NIPAL3: variants seen among roughly 807,000 people sequenced by gnomAD.
The protein encoded by NIPAL3 is NIPA like domain containing 3, also known as NIPA-like protein 3.
Under a neutral mutation model 47.2 loss-of-function variants are expected in NIPAL3, and 41 were observed. That is an observed-to-expected ratio of 0.87 (90% confidence interval 0.68 to 1.13). NIPAL3 has a LOEUF of 1.13. Among genes scored for constraint, NIPAL3 ranks in the 50% most tolerant of loss-of-function variants. The pLI is 0.00. For missense variants in NIPAL3, 449 were observed against 530.1 expected, an observed-to-expected ratio of 0.85 and a Z score of 1.50; for synonymous variants, 194 against 209.6, an observed-to-expected ratio of 0.93 and a Z score of 0.64.
upstream of NIPAL3, chr1:24,413,716 C>T (rs1035981187): frequency 1.7e-4 from 26 of 152,302 alleles, no homozygotes; most frequent in African/African-American, 5.3e-4. Flanking sequence ...CCCAACCTCC[C>T]GGTCGCTATG....
chr1:24,442,034 C>A, intron 3 of NIPAL3, 21 bp from the exon 4 acceptor site: 1 of 1,609,308 alleles, frequency 6.2e-7, no homozygotes, highest in Non-Finnish European at 8.5e-7. Flanking sequence ...GAGCAAATTG[C>A]ATTATTTCTC....
At chr1:24,423,447 T>C (rs1258488963) in intron 2 of NIPAL3, among the ~76,000 whole-genome samples, 1 of 152,134 alleles carries the variant, frequency 6.6e-6, no homozygotes, top group East Asian at 1.9e-4. Context: ...GAGACCACGG[T>C]GAAACCCCAT....
chr1:24,467,307 CA>C (rs11367687), intron 11 of NIPAL3, among the ~76,000 whole-genome samples: 84,577 of 147,016 alleles, frequency 0.58, 24,097 homozygotes, highest in East Asian at 0.72. Context: ...ACTAAAAATA[CA>C]AAAAAAAAAA....
In NIPAL3 at chr1:24,453,461, C is replaced by T. The variant is rs1029863724; in HGVS notation, c.594C>T (p.Asn198=). Residue 198 remains asparagine (N), a synonymous_variant, in exon 7 of 12, where the codon AAC becomes AAT. Coordinates refer to ENST00000374399, the MANE Select transcript of NIPAL3 (RefSeq NM_020448.5). The part of the protein sequence containing the change: ...CLLLYFYKEK[N]ANNIVVILLL... ...TGCTCTACTTCTACAAGGAGAAGAA[C>T]GCCAACAACATTGTCGTGATTCTTC... 3.0e-5 allele frequency: 48 copies of T among 1,613,500 alleles called. No homozygotes were observed. The highest frequency in any genetic ancestry group is 3.6e-5 in the Non-Finnish European group (43 of 1,179,828).
rs2148803718 is a variant in NIPAL3, at chr1:24,440,178, C to T, written c.100C>T (p.Leu34=). 1 of 1,586,100 alleles carries T rather than the reference C, an allele frequency of 6.3e-7. No individual in the cohort carries two copies. Among genetic ancestry groups the T allele is most frequent in the Non-Finnish European group, 8.6e-7 (1 of 1,166,968 alleles). Residue 34 remains leucine, a synonymous_variant, in exon 3 of 12, where the codon CTG becomes TTG. Coordinates refer to ENST00000374399, the MANE Select transcript of NIPAL3 (RefSeq NM_020448.5). ...SEASFSYKEN[L]IGALLAIFGH... ...CTGTGAACTTTCCTTACAGGAAAAC[C>T]TGATTGGCGCCCTCTTGGCGATCTT...
Position 24,416,496 on chromosome 1 carries a change from T to C in NIPAL3, c.-258+592T>C, listed in dbSNP as rs11583039. On this transcript the variant is annotated intron_variant, in intron 1 of 11. Coordinates refer to ENST00000374399, the MANE Select transcript of NIPAL3 (RefSeq NM_020448.5). This position sits in a 1 kb window ranked among gnomAD's most constrained non-coding sequence, Gnocchi z 4.8. ...ACAGACGCTATGAGCCACGGCTGTC[T>C]CATTTGTAAAACGTGCTCTGTGGGA... 53,700 of 217,134 alleles carry C rather than the reference T, an allele frequency of 0.25. 7,132 individuals are homozygous for C. The highest frequency in any genetic ancestry group is 0.45 in the East Asian group (2,440 of 5,434). 13.5% of individuals were successfully genotyped at this position (217,134 alleles called of 1,614,324 possible).
In NIPAL3 at chr1:24,469,231, G is replaced by A; in HGVS notation, c.*46G>A. The A allele has an allele frequency of 6.6e-7, 1 of 1,518,232 alleles. No individual in the cohort carries two copies. The highest frequency in any genetic ancestry group is 9.0e-7 in the Non-Finnish European group (1 of 1,110,652). 94.0% of individuals were successfully genotyped at this position (1,518,232 alleles called of 1,614,324 possible). A position where few individuals can be genotyped will look rare whatever the true frequency, so the allele number is the denominator to read the frequency against. On this transcript the variant is annotated 3_prime_UTR_variant, in exon 12 of 12. Transcript: ENST00000374399. The stretch of plus-strand genomic sequence containing the variant: ...TAACTGTCCCCTCCAGGCTGACAGT[G>A]GTTCAACCCTGAATCCTAAAACTTG...
At chr1:24,426,435 C>T (rs1445958323) in intron 2 of NIPAL3, among the ~76,000 whole-genome samples, 1 of 152,096 alleles carries the variant, frequency 6.6e-6, no homozygotes, top group East Asian at 1.9e-4. Flanking sequence ...GCTGGGATTA[C>T]AGGCGTGTGC....
At chr1:24,426,131 A>G (rs1282389975) in intron 2 of NIPAL3, among the ~76,000 whole-genome samples, 1 of 152,144 alleles carries the variant, frequency 6.6e-6, no homozygotes, top group East Asian at 1.9e-4. Flanking sequence ...CCACACAGTC[A>G]ATGGGTAGCG....
chr1:24,435,826 T>A (rs1272502428), intron 2 of NIPAL3, among the ~76,000 whole-genome samples: 1 of 152,204 alleles, frequency 6.6e-6, no homozygotes, highest in Non-Finnish European at 1.5e-5. Flanking sequence ...GCTGACTTAG[T>A]TCATTTGGGC....
At chr1:24,436,579 C>T (rs1315389788) in intron 2 of NIPAL3, among the ~76,000 whole-genome samples, 1 of 151,926 alleles carries the variant, frequency 6.6e-6, no homozygotes, top group Non-Finnish European at 1.5e-5. Flanking sequence ...ACCTCTGCCT[C>T]CTGGGTTCAA....
chr1:24,453,784 G>C (rs1231743170), intron 7 of NIPAL3, among the ~76,000 whole-genome samples: 1 of 152,150 alleles, frequency 6.6e-6, no homozygotes, highest in African/African-American at 2.4e-5. Context: ...TTCCAATGAG[G>C]AAGAATAAAG....
chr1:24,457,478 A>G (rs1037010869), intron 8 of NIPAL3, among the ~76,000 whole-genome samples: 1 of 152,190 alleles, frequency 6.6e-6, no homozygotes. Context: ...CACCAGCTAC[A>G]TGGCCTCCAG....
rs1251067238 is a variant in NIPAL3 at position 24,468,953 on chromosome 1, GT to G, written c.1022-32del. ...GCGGCCTCCTTGGCCCCCTTACCGC[GT>G]AATGATTTGGAGAAAATGGATTTCA... is the stretch of plus-strand genomic sequence containing the variant. On this transcript the variant is annotated intron_variant, in intron 11 of 11. Transcript: ENST00000374399. 13 of 1,608,116 alleles carry G rather than the reference GT, an allele frequency of 8.1e-6. No individual in the cohort carries two copies. In the Admixed American group the frequency reaches 1.0e-4, roughly 12 times the overall value.
At position 24,449,375 on chromosome 1, in the gene NIPAL3, G is replaced by C. The variant is rs1645822267; in HGVS notation, c.395-106G>C. 4.2e-6 allele frequency: 5 copies of C among 1,186,692 alleles called. No individual in the cohort carries two copies. The highest frequency in any genetic ancestry group is 5.8e-6 in the Non-Finnish European group (5 of 859,372). 73.5% of individuals were successfully genotyped at this position (1,186,692 alleles called of 1,614,324 possible). ...AAACCAAAAATACAAACAATACCAG[G>C]TCATGGTATGTTGCAGGAGAAGCCT... is the stretch of plus-strand genomic sequence containing the variant. On this transcript the variant is annotated intron_variant, in intron 5 of 11. Transcript: ENST00000374399. This position sits in a 1 kb window ranked among gnomAD's most constrained non-coding sequence, Gnocchi z 4.5.
chr1:24,432,222 C>T (rs1019235029), intron 2 of NIPAL3, among the ~76,000 whole-genome samples: 8 of 152,106 alleles, frequency 5.3e-5, no homozygotes, highest in Non-Finnish European at 1.0e-4. Context: ...CTCCGCCTTC[C>T]GGGTTAGTGA....
chr1:24,425,757 C>T (rs1167340188), intron 2 of NIPAL3, among the ~76,000 whole-genome samples: 2 of 152,070 alleles, frequency 1.3e-5, no homozygotes, highest in Non-Finnish European at 2.9e-5. Flanking sequence ...AAGTCTTATA[C>T]CCATCCTATA....
chr1:24,434,951 C>T (rs1286348533), intron 2 of NIPAL3, among the ~76,000 whole-genome samples: 1 of 152,124 alleles, frequency 6.6e-6, no homozygotes, highest in Non-Finnish European at 1.5e-5. Context: ...ATAGCCAAAA[C>T]AATCTTGGAG....
In NIPAL3 at chr1:24,449,564, G is replaced by A. The variant is rs767823143; in HGVS notation, c.478G>A (p.Glu160Lys). The A allele has an allele frequency of 9.3e-6, 15 of 1,613,994 alleles. No individual in the cohort carries two copies. Among genetic ancestry groups the A allele is most frequent in the African/African-American group, 6.7e-5 (5 of 74,900 alleles). ...GGTGACATTCGCACCCAACAGTCACGAGAAGATGACAGGCGAGAATGTCAC... is the reference window on the plus strand; with the variant it reads ...GGTGACATTCGCACCCAACAGTCACAAGAAGATGACAGGCGAGAATGTCAC... ...LLVTFAPNSH[E>K]KMTGENVTRH... The change falls in exon 6 of 12, where the codon GAG (glutamate) becomes AAG (lysine). Residue 160 changes from glutamate (E) to lysine (K), a missense_variant. Transcript: ENST00000374399. This position sits in a 1 kb window ranked among gnomAD's most constrained non-coding sequence, Gnocchi z 4.5.
Sources: allele counts gnomAD v4.1 joint callset (sites outside exome capture counted in the v4.1 genomes callset), GRCh38; gene constraint gnomAD v4.1.1; non-coding constraint Gnocchi (gnomAD v3.1); transcripts MANE v1.5; gene names NCBI Gene and HGNC (gene_info 2026-07-23, HGNC 2026-07-21).